The following SUMF1 variants were observed in gnomAD, a reference collection of about 807,000 sequenced individuals.
SUMF1 encodes the protein sulfatase modifying factor 1.
In SUMF1, 48 loss-of-function variants were observed where a neutral mutation model predicts 47.6. The observed-to-expected ratio is 1.01, with a 90% CI of 0.80 to 1.28. The LOEUF (loss-of-function observed/expected upper bound fraction) is 1.28, where lower values mean the gene tolerates loss of function less well. Among genes scored for constraint, SUMF1 ranks in the 50% most tolerant of loss-of-function variants. The probability of loss-of-function intolerance (pLI) is 0.00; values close to 1 mark genes in which losing one functional copy is unlikely to be tolerated. For synonymous variants in SUMF1, 230 were observed against 192.1 expected (o/e 1.20, Z -1.63); for missense variants, 571 against 485.4 (o/e 1.18, Z -1.66).
intron 8 of SUMF1, among the ~76,000 whole-genome samples, chr3:4,132,401 T>TCA (rs1693813353): frequency 6.6e-6 from 1 of 152,068 alleles, no homozygotes; most frequent in African/African-American, 2.4e-5. Context: ...AATTACAATG[T>TCA]CAACTAGGTG....
intron 8 of SUMF1, among the ~76,000 whole-genome samples, chr3:4,135,191 T>A (rs1004944599): frequency 2.6e-5 from 4 of 152,100 alleles, no homozygotes; most frequent in Non-Finnish European, 4.4e-5. Context: ...TTTAGACCAA[T>A]ATCCTTGATG....
At position 4,060,407 on chromosome 3, in the gene SUMF1, G is replaced by T. The variant is rs143955089; in HGVS notation, c.1191+8162C>A. 5.3e-5 allele frequency among the ~76,000 whole-genome samples: 8 copies of T among 151,994 alleles called. 1 individual carries two copies. Among genetic ancestry groups the T allele is most frequent in the Non-Finnish European group, 1.0e-4 (7 of 68,000 alleles). On this transcript the variant is annotated intron_variant and NMD_transcript_variant, in intron 9 of 12. Transcript: ENST00000448413. ...ACAATTTATATAATCTCTCTGCCTCGGTTTTCTCACTGTAAAACGAGAATG... is the reference window on the plus strand; with the variant it reads ...ACAATTTATATAATCTCTCTGCCTCTGTTTTCTCACTGTAAAACGAGAATG...
At chr3:4,273,057 C>G (rs1316346278) in intron 8 of SUMF1, among the ~76,000 whole-genome samples, 1 of 150,770 alleles carries the variant, frequency 6.6e-6, no homozygotes, top group Non-Finnish European at 1.5e-5. Flanking sequence ...GAGGCTCTGT[C>G]TCCAAAATAT....
At chr3:4,315,328 T>C (rs1366903788) in intron 8 of SUMF1, among the ~76,000 whole-genome samples, 1 of 152,226 alleles carries the variant, frequency 6.6e-6, no homozygotes, top group Non-Finnish European at 1.5e-5. Flanking sequence ...AGAAGGAAAA[T>C]GATTGGCTCA....
intron 8 of SUMF1, among the ~76,000 whole-genome samples, chr3:4,203,390 T>C (rs1055218476): frequency 3.9e-5 from 6 of 152,050 alleles, no homozygotes; most frequent in African/African-American, 1.4e-4. Context: ...TTATGTAATA[T>C]AAATATAGCT....
intron 7 of SUMF1, among the ~76,000 whole-genome samples, chr3:4,406,377 C>G (rs867855971): frequency 6.6e-6 from 1 of 152,012 alleles, no homozygotes; most frequent in Non-Finnish European, 1.5e-5. Context: ...TCCTGACAGC[C>G]AAGTGTGATG....
chr3:4,086,690 T>C (rs1692679012), intron 8 of SUMF1, among the ~76,000 whole-genome samples: 1 of 152,092 alleles, frequency 6.6e-6, no homozygotes, highest in African/African-American at 2.4e-5. Context: ...CCAAATCTCA[T>C]CTTGAATTTT....
intron 8 of SUMF1, among the ~76,000 whole-genome samples, chr3:4,258,494 C>CA (rs1156315143): frequency 6.8e-6 from 1 of 147,008 alleles, no homozygotes; most frequent in Non-Finnish European, 1.5e-5. Flanking sequence ...TTTATGCAGC[C>CA]AAAAAACACA....
chr3:4,113,527 G>GC (rs76026446), intron 8 of SUMF1, among the ~76,000 whole-genome samples: 7,507 of 151,564 alleles, frequency 0.05, 508 homozygotes, highest in East Asian at 0.15. Context: ...CCCTGTCACC[G>GC]CCCCCCACCC....
chr3:4,125,116 A>G (rs1005671327), intron 8 of SUMF1, among the ~76,000 whole-genome samples: 8 of 152,190 alleles, frequency 5.3e-5, no homozygotes, highest in Non-Finnish European at 8.8e-5. Context: ...TAATAAAAAA[A>G]CTTTGTGTTT....
chr3:4,054,517 CAGTTAAAT>C (rs1695160744), intron 9 of SUMF1, among the ~76,000 whole-genome samples: 1 of 152,106 alleles, frequency 6.6e-6, no homozygotes, highest in Non-Finnish European at 1.5e-5. Context: ...CTGTAGCAAA[CAGTTAAAT>C]ATTTTATTCA....
chr3:4,107,729 G>T (rs1490351005), intron 8 of SUMF1, among the ~76,000 whole-genome samples: 1 of 152,056 alleles, frequency 6.6e-6, no homozygotes, highest in African/African-American at 2.4e-5. Context: ...AAGGCTGAAG[G>T]ATCACTTGAG....
At chr3:4,171,544 T>C (rs889177302) in intron 8 of SUMF1, among the ~76,000 whole-genome samples, 1 of 152,182 alleles carries the variant, frequency 6.6e-6, no homozygotes, top group Non-Finnish European at 1.5e-5. Context: ...TATTGTTTAC[T>C]TGCCTGGACA....
At chr3:4,368,135 T>G (rs1019341741) in intron 8 of SUMF1, among the ~76,000 whole-genome samples, 3 of 151,968 alleles carry the variant, frequency 2.0e-5, no homozygotes, top group Non-Finnish European at 4.4e-5. Flanking sequence ...CTAACAAATT[T>G]ACAAGAAAAA....
At chr3:4,084,876 T>C (rs933475764) in intron 8 of SUMF1, among the ~76,000 whole-genome samples, 1 of 152,148 alleles carries the variant, frequency 6.6e-6, no homozygotes, top group African/African-American at 2.4e-5. Flanking sequence ...CCCTCAGAAG[T>C]GCCAATTTTA....
At chr3:4,313,096 A>C in intron 8 of SUMF1, 1 of 1,613,988 alleles carries the variant, frequency 6.2e-7, no homozygotes, top group Non-Finnish European at 8.5e-7. Flanking sequence ...TTTTGAATGC[A>C]ATGTCCTGTG....
intron 7 of SUMF1, among the ~76,000 whole-genome samples, chr3:4,402,925 A>T (rs531954277): frequency 6.6e-6 from 1 of 152,330 alleles, no homozygotes; most frequent in African/African-American, 2.4e-5. Flanking sequence ...CACGGGAGAA[A>T]AATGCAAGTT....
intron 8 of SUMF1, among the ~76,000 whole-genome samples, chr3:4,086,341 G>C (rs749619056): frequency 4.0e-5 from 6 of 151,724 alleles, no homozygotes; most frequent in Non-Finnish European, 7.4e-5. Flanking sequence ...TCAGTCCTTT[G>C]TGCCCTTGGA....
intron 8 of SUMF1, among the ~76,000 whole-genome samples, chr3:4,217,352 A>C (rs1240086096): frequency 2.0e-5 from 3 of 147,910 alleles, no homozygotes; most frequent in South Asian, 2.2e-4. Context: ...CATCACACAC[A>C]AGGGCCTGTC....
Sources: gnomAD v4.1 joint callset for allele counts (sites outside exome capture counted in the v4.1 genomes callset) on GRCh38, gnomAD v4.1.1 for gene constraint, MANE v1.5 for transcripts, NCBI Gene and HGNC (gene_info 2026-07-23, HGNC 2026-07-21) for gene names.